ARHGAP10: variants seen among roughly 807,000 people sequenced by gnomAD.
The protein encoded by ARHGAP10 is Rho GTPase activating protein 10.
Under a neutral mutation model 108.6 loss-of-function variants are expected in ARHGAP10, and 87 were observed. The observed-to-expected ratio is 0.80, with a 90% CI of 0.67 to 0.96. The LOEUF (loss-of-function observed/expected upper bound fraction) is 0.96. Ranked by LOEUF, ARHGAP10 falls within the 40% of genes least tolerant of loss-of-function variation. The pLI is 0.00. For synonymous variants in ARHGAP10, 347 were observed against 341.1 expected (o/e 1.02, Z -0.19); for missense variants, 939 against 954.5 (o/e 0.98, Z 0.21).
At chr4:147,870,310 C>T (rs1734763624) in intron 7 of ARHGAP10, among the ~76,000 whole-genome samples, 1 of 152,158 alleles carries the variant, frequency 6.6e-6, no homozygotes, top group Non-Finnish European at 1.5e-5. Context: ...ATCTGCCTGC[C>T]TTGGCCTCCC....
chr4:147,896,987 G>A (rs186405880), intron 10 of ARHGAP10, among the ~76,000 whole-genome samples: 20 of 151,830 alleles, frequency 1.3e-4, no homozygotes, highest in African/African-American at 4.6e-4. Context: ...ATTGAATATC[G>A]AAAGGATTTT....
chr4:147,882,098 G>A (rs1369053403), intron 10 of ARHGAP10, among the ~76,000 whole-genome samples, 166 bp downstream of exon 10: 2 of 152,126 alleles, frequency 1.3e-5, no homozygotes, highest in Non-Finnish European at 2.9e-5. Flanking sequence ...TGATCACCGG[G>A]TTTAGCTATG....
intron 18 of ARHGAP10, among the ~76,000 whole-genome samples, chr4:147,969,324 C>CTTTTTTT (rs61078731): frequency 1.1e-5 from 1 of 93,830 alleles, no homozygotes; most frequent in Non-Finnish European, 2.1e-5. Context: ...TTTGTTTTGC[C>CTTTTTTT]TTTTTTTTTT....
At chr4:147,744,764 G>T (rs1728837822) in intron 1 of ARHGAP10, among the ~76,000 whole-genome samples, 1 of 152,062 alleles carries the variant, frequency 6.6e-6, no homozygotes, top group Non-Finnish European at 1.5e-5. Context: ...GGATGTGGAG[G>T]GCAAGGTATT....
chr4:148,034,767 T>A (rs1001493374), intron 19 of ARHGAP10, among the ~76,000 whole-genome samples: 2 of 152,128 alleles, frequency 1.3e-5, no homozygotes, highest in African/African-American at 4.8e-5. Context: ...TGCTCTAAAT[T>A]TCCTGAGCTG....
rs34854334 is a variant in ARHGAP10, at chr4:147,759,580, GCCC to G, written c.154+27135_154+27137del. Among the ~76,000 whole-genome samples, 113 of 139,558 alleles carry G rather than the reference GCCC, an allele frequency of 8.1e-4. 1 individual carries two copies. In the South Asian group the frequency reaches 8.6e-3, roughly 11 times the overall value. The allele number at this position is 139,558 out of a possible 152,430, so 91.6% of individuals were successfully genotyped here. A position where few individuals can be genotyped will look rare whatever the true frequency, so the allele number is the denominator to read the frequency against. On this transcript the variant is annotated intron_variant, in intron 1 of 22. Transcript: ENST00000336498. ...TGCCTGGGTAGCATAGTGATACACC[GCCC>G]CCCCCCCCCTTTAAAAAGGAAACAG...
At chr4:147,806,895 C>T (rs991917826) in intron 1 of ARHGAP10, among the ~76,000 whole-genome samples, 4 of 152,112 alleles carry the variant, frequency 2.6e-5, no homozygotes, top group Non-Finnish European at 5.9e-5. Context: ...AATAGCATTG[C>T]CTGTAGGTGC....
chr4:147,873,872 C>T (rs1378259493), intron 7 of ARHGAP10, among the ~76,000 whole-genome samples: 1 of 132,886 alleles, frequency 7.5e-6, no homozygotes, highest in Non-Finnish European at 1.5e-5. Context: ...GAGACCCTGT[C>T]TTTAAAAAAA....
At chr4:147,841,730 T>G (rs1733422991) in intron 3 of ARHGAP10, among the ~76,000 whole-genome samples, 1 of 152,186 alleles carries the variant, frequency 6.6e-6, no homozygotes, top group East Asian at 1.9e-4. Flanking sequence ...TTAAATATAA[T>G]TTTTAGGTTC....
chr4:147,984,576 CTGTT>C (rs1464967659), intron 18 of ARHGAP10, among the ~76,000 whole-genome samples: 1 of 152,194 alleles, frequency 6.6e-6, no homozygotes, highest in Non-Finnish European at 1.5e-5. Context: ...GGCAAGGTGT[CTGTT>C]TGAGTTCTGT....
At chr4:147,977,527 C>T (rs1265138627) in intron 18 of ARHGAP10, among the ~76,000 whole-genome samples, 13 of 152,142 alleles carry the variant, frequency 8.5e-5, no homozygotes, top group Non-Finnish European at 1.0e-4. Context: ...GTGTGCCAGG[C>T]ACTAGGCTGG....
intron 1 of ARHGAP10, among the ~76,000 whole-genome samples, chr4:147,788,507 G>A (rs1035779112): frequency 3.3e-5 from 5 of 152,138 alleles, no homozygotes; most frequent in African/African-American, 9.7e-5. Flanking sequence ...ACTTGTGAAA[G>A]CACTTTTGTT....
At chr4:147,857,687 A>C in intron 5 of ARHGAP10, 33 bp downstream of exon 5, 1 of 1,391,162 alleles carries the variant, frequency 7.2e-7, no homozygotes, top group Non-Finnish European at 9.4e-7. Context: ...TACGTTTTCA[A>C]AATTTGATAA....
chr4:147,787,115 G>C (rs1452027979), intron 1 of ARHGAP10, among the ~76,000 whole-genome samples: 1 of 152,200 alleles, frequency 6.6e-6, no homozygotes, highest in Non-Finnish European at 1.5e-5. Context: ...CTCCTCAGCA[G>C]ATGACCAAGG....
intron 7 of ARHGAP10, among the ~76,000 whole-genome samples, chr4:147,867,841 G>A (rs142787030): frequency 0.014 from 2,033 of 142,520 alleles, 49 homozygotes; most frequent in African/African-American, 0.049. Flanking sequence ...TCCAGCCTGG[G>A]CGACAGAGTG....
chr4:147,768,741 C>CTT (rs34388709), intron 1 of ARHGAP10, among the ~76,000 whole-genome samples: 3 of 126,516 alleles, frequency 2.4e-5, no homozygotes, highest in East Asian at 2.3e-4. Context: ...ATTTTCTTGT[C>CTT]TTTTTTTTTT....
At chr4:147,842,181 C>T (rs1370619194) in intron 3 of ARHGAP10, among the ~76,000 whole-genome samples, 9 of 152,130 alleles carry the variant, frequency 5.9e-5, no homozygotes, top group East Asian at 3.8e-4. Context: ...GTGATCCACC[C>T]GCCTCGGCCT....
At position 148,059,084 on chromosome 4, in the gene ARHGAP10, A is replaced by G. The variant is rs188104901; in HGVS notation, c.2028-4064A>G. On this transcript the variant is annotated intron_variant, in intron 20 of 22. Coordinates refer to ENST00000336498, the MANE Select transcript of ARHGAP10 (RefSeq NM_024605.4). ...AATCTTCATGTGCTTTTAGTGAAAC[A>G]CTCTTGTTTCTATTTGTCCCCTTTC... is the stretch of plus-strand genomic sequence containing the variant. Among the ~76,000 whole-genome samples the G allele has an allele frequency of 6.3e-3, 960 of 152,190 alleles. 7 individuals carry two copies. Among genetic ancestry groups the G allele is most frequent in the Non-Finnish European group, 0.01 (706 of 68,004 alleles).
At chr4:148,058,848 C>G (rs186640436) in intron 20 of ARHGAP10, among the ~76,000 whole-genome samples, 6 of 152,304 alleles carry the variant, frequency 3.9e-5, no homozygotes, top group Non-Finnish European at 7.3e-5. Context: ...AAATTCAGGC[C>G]CATGTTTCCA....
Sources: allele counts gnomAD v4.1 joint callset (sites outside exome capture counted in the v4.1 genomes callset), GRCh38; gene constraint gnomAD v4.1.1; transcripts MANE v1.5; gene names NCBI Gene and HGNC (gene_info 2026-07-23, HGNC 2026-07-21).